SPATA6: variants seen among roughly 807,000 people sequenced by gnomAD.
SPATA6 encodes spermatogenesis associated 6.
A neutral mutation model predicts 65.3 loss-of-function variants in SPATA6; 56 were observed. That is an observed-to-expected ratio of 0.86 (90% CI 0.69 to 1.07). SPATA6 has a LOEUF of 1.07. SPATA6 is among the 50% of genes least tolerant of loss of function. SPATA6 has a pLI of 0.00. For synonymous variants in SPATA6, 199 were observed against 213.2 expected (o/e 0.93, Z 0.58); for missense variants, 590 against 594.8 (o/e 0.99, Z 0.08).
intron 3 of SPATA6, among the ~76,000 whole-genome samples, chr1:48,426,929 CT>C (rs534847545): frequency 0.026 from 3,778 of 144,266 alleles, 37 homozygotes; most frequent in South Asian, 0.065. Context: ...TCAGTTCAAT[CT>C]TTTTTTTTTT....
At chr1:48,370,428 A>C (rs945308632) in intron 9 of SPATA6, among the ~76,000 whole-genome samples, 2 of 152,234 alleles carry the variant, frequency 1.3e-5, no homozygotes, top group African/African-American at 4.8e-5. Flanking sequence ...AATCTTGCCA[A>C]GAACATTCCT....
intron 1 of SPATA6, among the ~76,000 whole-genome samples, chr1:48,466,089 G>C (rs1657786436): frequency 6.6e-6 from 1 of 151,876 alleles, no homozygotes; most frequent in African/African-American, 2.4e-5. Flanking sequence ...ATGCTCCCTA[G>C]GGCACACAAT....
At chr1:48,339,503 T>G (rs1266558382) in intron 11 of SPATA6, among the ~76,000 whole-genome samples, 1 of 151,988 alleles carries the variant, frequency 6.6e-6, no homozygotes, top group Non-Finnish European at 1.5e-5. Flanking sequence ...TTAGGATTAA[T>G]TTGGTCAAGA....
intron 11 of SPATA6, among the ~76,000 whole-genome samples, chr1:48,312,564 G>T (rs1025277137): frequency 3.9e-5 from 6 of 152,160 alleles, no homozygotes; most frequent in Admixed American, 1.3e-4. Context: ...CATCATCAAA[G>T]ATCAAAGGCA....
At chr1:48,377,142 C>A (rs903580003) in intron 9 of SPATA6, among the ~76,000 whole-genome samples, 3 of 152,132 alleles carry the variant, frequency 2.0e-5, no homozygotes, top group African/African-American at 7.2e-5. Context: ...ACTTGGCTAC[C>A]AGCATCCACT....
chr1:48,311,600 A>G (rs142030447), intron 11 of SPATA6, among the ~76,000 whole-genome samples: 6 of 152,336 alleles, frequency 3.9e-5, no homozygotes, highest in African/African-American at 1.4e-4. Context: ...GAGCCAAGAT[A>G]GCTGAATAGG....
intron 11 of SPATA6, among the ~76,000 whole-genome samples, chr1:48,331,933 GA>G (rs1280921089): frequency 6.6e-6 from 1 of 152,054 alleles, no homozygotes; most frequent in Non-Finnish European, 1.5e-5. Flanking sequence ...CAGTCGTAAA[GA>G]AAAAAATTCC....
intron 11 of SPATA6, among the ~76,000 whole-genome samples, chr1:48,340,551 G>A (rs1646186073): frequency 6.6e-6 from 1 of 151,292 alleles, no homozygotes; most frequent in South Asian, 2.1e-4. Flanking sequence ...TACATGTTTT[G>A]TACAGGGTAA....
In SPATA6 at chr1:48,325,549, T is replaced by C. The variant is rs1645733177; in HGVS notation, c.1195-19671A>G. On this transcript the variant is annotated intron_variant, in intron 11 of 12. Coordinates refer to ENST00000371847, the MANE Select transcript of SPATA6 (RefSeq NM_019073.4). Reference sequence around the variant, plus strand: ...ACCCGGGAGTTCTTCCTCTTCCTCTTTGGTCTTGGAATGTTAGATTTCCCT... The same window carrying C: ...ACCCGGGAGTTCTTCCTCTTCCTCTCTGGTCTTGGAATGTTAGATTTCCCT... The C allele has an allele frequency of 5.9e-6, 7 of 1,177,946 alleles. No homozygotes were observed. The Admixed American group carries it at 1.2e-4, about 20-fold the overall frequency. The allele number at this position is 1,177,946 out of a possible 1,614,324, so 73.0% of individuals were successfully genotyped here.
intron 3 of SPATA6, among the ~76,000 whole-genome samples, chr1:48,419,033 C>T (rs560862404): frequency 6.6e-6 from 1 of 152,226 alleles, no homozygotes; most frequent in African/African-American, 2.4e-5. Context: ...ACTCTGCAAC[C>T]TCAACTATTT....
intron 9 of SPATA6, among the ~76,000 whole-genome samples, chr1:48,372,417 C>G (rs1421970253): frequency 6.6e-6 from 1 of 152,216 alleles, no homozygotes; most frequent in Non-Finnish European, 1.5e-5. Flanking sequence ...CCAGCTCACA[C>G]TGATGCAAGA....
At chr1:48,332,139 C>T (rs1195516884) in intron 11 of SPATA6, among the ~76,000 whole-genome samples, 2 of 152,190 alleles carry the variant, frequency 1.3e-5, no homozygotes, top group African/African-American at 2.4e-5. Context: ...TGTAAGTACA[C>T]ACACCAGTGA....
At chr1:48,367,309 G>A (rs1200172813) in intron 9 of SPATA6, among the ~76,000 whole-genome samples, 1 of 152,136 alleles carries the variant, frequency 6.6e-6, no homozygotes, top group Admixed American at 6.5e-5. Context: ...ATGTCTATTA[G>A]GTCTGCTTGG....
chr1:48,363,532 G>T (rs141780010), intron 9 of SPATA6, among the ~76,000 whole-genome samples: 5 of 152,228 alleles, frequency 3.3e-5, no homozygotes, highest in African/African-American at 1.2e-4. Flanking sequence ...GAAAACACTA[G>T]TGGAGAGCTT....
intron 11 of SPATA6, chr1:48,325,250 G>A: frequency 1.2e-6 from 1 of 808,728 alleles, no homozygotes. Context: ...GGCAAGGTTT[G>A]GATATGGCAT....
chr1:48,365,197 T>C (rs537724458), intron 9 of SPATA6, among the ~76,000 whole-genome samples: 1 of 152,242 alleles, frequency 6.6e-6, no homozygotes, highest in Non-Finnish European at 1.5e-5. Context: ...TTTTGGTTAC[T>C]GTAGCCTTGT....
chr1:48,280,615 C>A, the SPATA6 span, among the ~76,000 whole-genome samples: 2 of 152,166 alleles, frequency 1.3e-5, no homozygotes. Context: ...CACATACACC[C>A]TCCCAAGATT....
rs191737287 is a variant in SPATA6 at position 48,353,866 on chromosome 1, C to G, written c.1194+1804G>C. On this transcript the variant is annotated intron_variant, in intron 11 of 12. Coordinates refer to ENST00000371847, the MANE Select transcript of SPATA6 (RefSeq NM_019073.4). ...AAAGTAGACAAAAACTATAAAAATG[C>G]TAATCAAAAAGGAAAAATGATAAAC... Among the ~76,000 whole-genome samples, 274 of 151,812 alleles carry G rather than the reference C, an allele frequency of 1.8e-3. 1 individual carries two copies. In the East Asian group the frequency reaches 0.029, roughly 16 times the overall value.
chr1:48,431,903 G>A (rs949870712), intron 3 of SPATA6, among the ~76,000 whole-genome samples: 22 of 152,218 alleles, frequency 1.4e-4, no homozygotes, highest in South Asian at 2.1e-4. Context: ...TTGAGTTCAC[G>A]AGCTCGAGAC....
Sources: allele counts gnomAD v4.1 joint callset (sites outside exome capture counted in the v4.1 genomes callset), GRCh38; gene constraint gnomAD v4.1.1; transcripts MANE v1.5; gene names NCBI Gene and HGNC (gene_info 2026-07-23, HGNC 2026-07-21).